The following KCNH1 variants were observed in gnomAD, a reference collection of about 807,000 sequenced individuals.
KCNH1 encodes voltage-gated delayed rectifier potassium channel KCNH1.
KCNH1 carries 27 observed loss-of-function variants against 69.2 expected under a neutral mutation model. That is an observed-to-expected ratio of 0.39 (90% CI 0.29 to 0.54). The LOEUF (loss-of-function observed/expected upper bound fraction) is 0.54. KCNH1 is among the 20% of genes least tolerant of loss of function. KCNH1 has a pLI of 0.68. For missense variants in KCNH1, 798 were observed against 1,261.6 expected, an observed-to-expected ratio of 0.63 and a Z score of 5.57; for synonymous variants, 456 against 487.7, an observed-to-expected ratio of 0.93 and a Z score of 0.86.
chr1:210,796,554 C>T (rs1029965138), intron 9 of KCNH1, among the ~76,000 whole-genome samples: 9 of 152,122 alleles, frequency 5.9e-5, no homozygotes, highest in East Asian at 3.9e-4. Context: ...AACACGTTCC[C>T]CCGCATCCCT....
intron 7 of KCNH1, among the ~76,000 whole-genome samples, chr1:210,838,844 A>G (rs1028727328): frequency 1.3e-5 from 2 of 152,238 alleles, no homozygotes; most frequent in Non-Finnish European, 2.9e-5. Context: ...GAGAAATGCA[A>G]ATCAAAACCA....
intron 7 of KCNH1, among the ~76,000 whole-genome samples, chr1:210,902,803 C>G (rs1687023365): frequency 6.6e-6 from 1 of 152,142 alleles, no homozygotes; most frequent in East Asian, 1.9e-4. Context: ...TGCCTTTGCT[C>G]AGACAATCAC....
Position 211,133,803 on chromosome 1 carries a change from G to A in KCNH1, c.79+64C>T. 6.9e-7 allele frequency: 1 copy of A among 1,450,088 alleles called. No homozygotes were observed. The highest frequency in any genetic ancestry group is 9.6e-7 in the Non-Finnish European group (1 of 1,038,294). 89.8% of individuals were successfully genotyped at this position (1,450,088 alleles called of 1,614,324 possible). The stretch of plus-strand genomic sequence containing the variant: ...TGCATCTGCTGGCTCCGAGCGGCGA[G>A]AGGTTCTGCAATAAAGGCACGGATA... On this transcript the variant is annotated intron_variant, in intron 1 of 10. Transcript: ENST00000271751. This position sits in a 1 kb window ranked among gnomAD's most constrained non-coding sequence, Gnocchi z 5.4.
At position 210,683,723 on chromosome 1, in the gene KCNH1, G is replaced by A; in HGVS notation, c.2528C>T (p.Ala843Val). ...GTTCCAGTCCTCACTCTTCCCGCAA[G>A]CATCTTTGAAGCGGGCCCAGCTTTT... ...KRKSWARFKD[A>V]CGKSEDWNKV... The change falls in exon 11 of 11, where the codon GCT becomes GTT. Residue 843 changes from alanine to valine, a missense_variant. This residue lies in a region of KCNH1 where 331 missense variants were observed against 363.2 expected (regional missense o/e 0.91). Coordinates refer to ENST00000271751, the MANE Select transcript of KCNH1 (RefSeq NM_172362.3). The surrounding 1 kb of genome is among the most constrained non-coding windows in gnomAD (Gnocchi z 5.7). 1 of 1,614,204 alleles carries A rather than the reference G, an allele frequency of 6.2e-7. No individual in the cohort carries two copies. The highest frequency in any genetic ancestry group is 8.5e-7 in the Non-Finnish European group (1 of 1,180,038).
At chr1:210,961,173 T>C (rs914951030) in intron 6 of KCNH1, among the ~76,000 whole-genome samples, 24 of 152,296 alleles carry the variant, frequency 1.6e-4, no homozygotes, top group Admixed American at 1.5e-3. Flanking sequence ...TATTTTTTAT[T>C]GGGTGTTTGT....
chr1:210,966,025 C>T (rs1688393162), intron 6 of KCNH1, among the ~76,000 whole-genome samples: 2 of 152,024 alleles, frequency 1.3e-5, no homozygotes, highest in Admixed American at 1.3e-4. Context: ...GGTACTGGTA[C>T]CAAAACAGAT....
At chr1:211,045,650 CAGA>C (rs1220086575) in intron 5 of KCNH1, among the ~76,000 whole-genome samples, 1 of 152,084 alleles carries the variant, frequency 6.6e-6, no homozygotes, top group African/African-American at 2.4e-5. Flanking sequence ...TCCATTACTC[CAGA>C]AGAAGTTTCC....
At chr1:210,803,267 A>C (rs367718110) in intron 8 of KCNH1, among the ~76,000 whole-genome samples, 1 of 152,234 alleles carries the variant, frequency 6.6e-6, no homozygotes, top group East Asian at 1.9e-4. Flanking sequence ...AAACCCAGCT[A>C]ATTTTTTGTA....
intron 7 of KCNH1, among the ~76,000 whole-genome samples, chr1:210,828,243 T>A (rs1288341855): frequency 6.6e-6 from 1 of 152,158 alleles, no homozygotes; most frequent in Non-Finnish European, 1.5e-5. Flanking sequence ...AGGAACTCAA[T>A]AAATGATAGT....
At chr1:211,021,818 G>A (rs1374995130) in intron 5 of KCNH1, among the ~76,000 whole-genome samples, 4 of 151,976 alleles carry the variant, frequency 2.6e-5, no homozygotes, top group Non-Finnish European at 5.9e-5. Context: ...AAAACACTGA[G>A]ATAAGAAATT....
intron 10 of KCNH1, among the ~76,000 whole-genome samples, chr1:210,728,000 A>G (rs1267692530): frequency 2.0e-5 from 3 of 152,230 alleles, no homozygotes; most frequent in Non-Finnish European, 2.9e-5. Flanking sequence ...TGTGTTCTCT[A>G]TGGTCAGCAG....
Position 210,919,691 on chromosome 1 carries a change from G to C in KCNH1, c.1411C>G (p.Pro471Ala). The C allele has an allele frequency of 6.2e-7, 1 of 1,614,128 alleles. No individual in the cohort carries two copies. ...LTSVGFGNIAPSTDIEKIFAV... is the reference protein window; with the variant it reads ...LTSVGFGNIAASTDIEKIFAV... ...AAGATCTTCTCAATGTCTGTGGATG[G>C]GGCGATGTTCCCAAAGCCCACACTG... Residue 471 changes from proline to alanine, a missense_variant, in exon 7 of 11, where the codon CCA (proline) becomes GCA (alanine). Pro to Ala is a conservative substitution (Grantham distance 27). Transcript: ENST00000271751. This position sits in a 1 kb window ranked among gnomAD's most constrained non-coding sequence, Gnocchi z 4.2.
chr1:211,099,208 C>T (rs991666988), intron 3 of KCNH1, among the ~76,000 whole-genome samples: 4 of 151,760 alleles, frequency 2.6e-5, no homozygotes, highest in South Asian at 2.1e-4. Flanking sequence ...GTATACAAGT[C>T]GAAATCTCCA....
intron 10 of KCNH1, among the ~76,000 whole-genome samples, chr1:210,711,808 A>G (rs2149017648): frequency 6.6e-6 from 1 of 152,322 alleles, no homozygotes; most frequent in East Asian, 1.9e-4. Context: ...GCCTGCACAC[A>G]GTAGGGGCAG....
At chr1:211,012,270 G>T (rs1358378453) in intron 6 of KCNH1, among the ~76,000 whole-genome samples, 1 of 152,102 alleles carries the variant, frequency 6.6e-6, no homozygotes, top group Non-Finnish European at 1.5e-5. Context: ...CCACAGGCTG[G>T]TAAGACTGGT....
intron 7 of KCNH1, among the ~76,000 whole-genome samples, chr1:210,907,974 C>A (rs960280056): frequency 4.6e-5 from 7 of 152,226 alleles, no homozygotes; most frequent in Non-Finnish European, 7.3e-5. Context: ...ATGTCTGTTT[C>A]CACATTGGTG....
intron 10 of KCNH1, among the ~76,000 whole-genome samples, chr1:210,766,455 G>T (rs563939402): frequency 3.9e-5 from 6 of 152,178 alleles, no homozygotes; most frequent in African/African-American, 1.2e-4. Context: ...AAACCAGGAG[G>T]CAGAGGTTGC....
At chr1:210,848,377 T>C (rs1377202702) in intron 7 of KCNH1, among the ~76,000 whole-genome samples, 1 of 152,212 alleles carries the variant, frequency 6.6e-6, no homozygotes, top group Non-Finnish European at 1.5e-5. Context: ...CTTGTCTTTA[T>C]AAATTCTATT....
intron 10 of KCNH1, among the ~76,000 whole-genome samples, chr1:210,769,503 C>CA (rs1042255126): frequency 2.6e-5 from 4 of 151,920 alleles, no homozygotes; most frequent in East Asian, 1.9e-4. Context: ...TTTAATCAAA[C>CA]AAAAAAAATT....
Sources: allele counts gnomAD v4.1 joint callset (sites outside exome capture counted in the v4.1 genomes callset), GRCh38; gene constraint gnomAD v4.1.1; regional missense constraint gnomAD v4.1.1; non-coding constraint Gnocchi (gnomAD v3.1); transcripts MANE v1.5; gene names NCBI Gene and HGNC (gene_info 2026-07-23, HGNC 2026-07-21).